The following GSE1 variants were observed in gnomAD, a reference collection of about 807,000 sequenced individuals.
The protein encoded by GSE1 is genetic suppressor element 1.
Under a neutral mutation model 112.6 loss-of-function variants are expected in GSE1, and 32 were observed. The observed-to-expected ratio is 0.28, with a 90% CI of 0.21 to 0.38. The LOEUF is 0.38. Among genes scored for constraint, GSE1 ranks in the 10% least tolerant of loss-of-function variants. The probability of loss-of-function intolerance (pLI) is 1.00; values close to 1 mark genes in which losing one functional copy is unlikely to be tolerated. For missense variants in GSE1, 2,348 were observed against 1,699.2 expected (o/e 1.38, Z -6.71); for synonymous variants, 1,115 against 735.6 (o/e 1.52, Z -8.35).
chr16:85,313,070 A>C, intron 1 of GSE1, among the ~76,000 whole-genome samples: 1 of 152,032 alleles, frequency 6.6e-6, no homozygotes, highest in East Asian at 1.9e-4. Flanking sequence ...CAGCTCTGAC[A>C]CTCCAGTGCA....
chr16:85,435,482 A>C lies in GSE1; in HGVS notation c.2464+77839A>C, dbSNP rs562185505. 5.9e-5 allele frequency among the ~76,000 whole-genome samples: 9 copies of C among 152,096 alleles called. No homozygotes were observed. In the South Asian group the frequency reaches 1.9e-3, roughly 32 times the overall value. ...AAATTCCTCTGAGCCTGTGCCCTAGATCTGTCACAGCCCCCCGCAGCAGGT... is the reference window on the plus strand; with the variant it reads ...AAATTCCTCTGAGCCTGTGCCCTAGCTCTGTCACAGCCCCCCGCAGCAGGT... On this transcript the variant is annotated intron_variant, in intron 2 of 2. Transcript: ENST00000637419.
At chr16:85,433,646 G>C (rs187541259) in intron 2 of GSE1, among the ~76,000 whole-genome samples, 80 of 151,806 alleles carry the variant, frequency 5.3e-4, no homozygotes, top group Admixed American at 6.6e-4. Context: ...ATGATTGGGT[G>C]AATGTTGAAT....
chr16:85,358,670 T>C (rs1354984486), intron 2 of GSE1, among the ~76,000 whole-genome samples: 1 of 152,146 alleles, frequency 6.6e-6, no homozygotes, highest in East Asian at 1.9e-4. Context: ...CCTCTTTCTC[T>C]TTGTGTGGTA....
chr16:85,606,498 A>G (rs942874402), upstream of GSE1, among the ~76,000 whole-genome samples: 5 of 152,244 alleles, frequency 3.3e-5, no homozygotes, highest in African/African-American at 1.2e-4. Context: ...TCAGGCCACC[A>G]GAGGCGGCTC....
intron 2 of GSE1, among the ~76,000 whole-genome samples, chr16:85,398,394 G>A (rs2048016225): frequency 6.6e-6 from 1 of 152,174 alleles, no homozygotes; most frequent in Non-Finnish European, 1.5e-5. Context: ...TGGAGGGGAA[G>A]TGTGCCAGCT....
chr16:85,303,522 C>G (rs909419859), intron 1 of GSE1, among the ~76,000 whole-genome samples: 2 of 152,238 alleles, frequency 1.3e-5, no homozygotes, highest in Non-Finnish European at 2.9e-5. Flanking sequence ...AGCCCGGGGC[C>G]GCTGGACTCG....
At chr16:85,230,561 G>A (rs1206968355) in intron 1 of GSE1, among the ~76,000 whole-genome samples, 1 of 152,156 alleles carries the variant, frequency 6.6e-6, no homozygotes, top group African/African-American at 2.4e-5. Flanking sequence ...CTTTTGCTGC[G>A]GGGGTTCATT....
chr16:85,654,168 G>A (rs998627694), intron 3 of GSE1, 110 bp from the exon 4 acceptor site: 92 of 989,264 alleles, frequency 9.3e-5, no homozygotes, highest in Non-Finnish European at 1.2e-4. Context: ...GATGTTTCTA[G>A]AACATGAACT....
At chr16:85,508,916 G>A (rs1161158340) in intron 2 of GSE1, among the ~76,000 whole-genome samples, 1 of 152,220 alleles carries the variant, frequency 6.6e-6, no homozygotes, top group African/African-American at 2.4e-5. Flanking sequence ...ATGTGCACTG[G>A]GCAGGCACAC....
chr16:85,312,712 G>A (rs2045887572), intron 1 of GSE1, among the ~76,000 whole-genome samples: 1 of 152,036 alleles, frequency 6.6e-6, no homozygotes, highest in African/African-American at 2.4e-5. Context: ...GAGAGGAGGA[G>A]AAAGAGAAGG....
At chr16:85,197,141 C>T (rs1320583513) in intron 1 of GSE1, among the ~76,000 whole-genome samples, 1 of 152,152 alleles carries the variant, frequency 6.6e-6, no homozygotes, top group Non-Finnish European at 1.5e-5. Flanking sequence ...CAAGACCTGG[C>T]CCCTCGGAGC....
At chr16:85,324,471 C>G (rs1461969158) in intron 1 of GSE1, among the ~76,000 whole-genome samples, 2 of 148,850 alleles carry the variant, frequency 1.3e-5, no homozygotes, top group Admixed American at 6.7e-5. Flanking sequence ...GATCACGCCA[C>G]TGCACTCCAG....
At chr16:85,410,855 C>CT (rs1372965321) in intron 2 of GSE1, among the ~76,000 whole-genome samples, 2 of 75,860 alleles carry the variant, frequency 2.6e-5, no homozygotes, top group Non-Finnish European at 4.6e-5. Flanking sequence ...TCAGGCCCCC[C>CT]GGATAATCCT....
intron 1 of GSE1, among the ~76,000 whole-genome samples, chr16:85,279,783 C>G (rs1167484497): frequency 6.6e-6 from 1 of 152,162 alleles, no homozygotes; most frequent in Non-Finnish European, 1.5e-5. Flanking sequence ...ACTTCTCTGT[C>G]TTCACTTGAA....
At chr16:85,398,156 C>G (rs2151663028) in intron 2 of GSE1, among the ~76,000 whole-genome samples, 1 of 152,288 alleles carries the variant, frequency 6.6e-6, no homozygotes, top group East Asian at 1.9e-4. Flanking sequence ...CCTCAGTTTC[C>G]TCATCTGCAA....
intron 1 of GSE1, among the ~76,000 whole-genome samples, chr16:85,333,558 G>C (rs1291615530): frequency 1.3e-5 from 2 of 152,260 alleles, no homozygotes; most frequent in African/African-American, 4.8e-5. Context: ...TGCATCAGAA[G>C]CTGGCTCCGC....
At chr16:85,369,051 G>T (rs75176918) in intron 2 of GSE1, among the ~76,000 whole-genome samples, 1 of 152,182 alleles carries the variant, frequency 6.6e-6, no homozygotes, top group African/African-American at 2.4e-5. Context: ...CCAAAAGCTT[G>T]TTCCCTTACA....
chr16:85,508,526 T>C (rs2051619490), intron 2 of GSE1, among the ~76,000 whole-genome samples: 1 of 151,904 alleles, frequency 6.6e-6, no homozygotes, highest in Non-Finnish European at 1.5e-5. Flanking sequence ...CCTGCATGGG[T>C]GAGAGGTGGT....
At chr16:85,213,267 C>CAA (rs1209853671) in intron 1 of GSE1, among the ~76,000 whole-genome samples, 2 of 80,170 alleles carry the variant, frequency 2.5e-5, no homozygotes, top group African/African-American at 4.6e-5. Flanking sequence ...GACTCTGTTT[C>CAA]AAAAAAAAAA....
Sources: gnomAD v4.1 joint callset for allele counts (sites outside exome capture counted in the v4.1 genomes callset) on GRCh38, gnomAD v4.1.1 for gene constraint, MANE v1.5 for transcripts, NCBI Gene and HGNC (gene_info 2026-07-23, HGNC 2026-07-21) for gene names.